Variants in PSMA1 observed in about 807,000 individuals in gnomAD.
PSMA1 encodes proteasome subunit alpha type-1.
A neutral mutation model predicts 38.4 loss-of-function variants in PSMA1; 3 were observed. The ratio of observed to expected loss-of-function variants is 0.08; its 90% CI spans 0.04 to 0.20. The LOEUF (loss-of-function observed/expected upper bound fraction) is 0.20. Ranked by LOEUF, PSMA1 falls within the 10% of genes least tolerant of loss-of-function variation. The probability of loss-of-function intolerance (pLI) is 1.00; values close to 1 mark genes in which losing one functional copy is unlikely to be tolerated. For synonymous variants in PSMA1, 101 were observed against 107.1 expected, an observed-to-expected ratio of 0.94 and a Z score of 0.35; for missense variants, 227 against 325.3, an observed-to-expected ratio of 0.70 and a Z score of 2.32.
At chr11:14,596,990 C>T (rs1019249083) in intron 2 of PSMA1, among the ~76,000 whole-genome samples, 1 of 152,204 alleles carries the variant, frequency 6.6e-6, no homozygotes, top group Admixed American at 6.5e-5. Context: ...TTTTCTGCAT[C>T]TATTGAGATA....
intron 2 of PSMA1, among the ~76,000 whole-genome samples, chr11:14,608,664 CT>C (rs1852672831): frequency 6.8e-6 from 1 of 146,620 alleles, no homozygotes; most frequent in Admixed American, 6.8e-5. Flanking sequence ...AAGATCCTGT[CT>C]GTATTTTATA....
intron 2 of PSMA1, among the ~76,000 whole-genome samples, chr11:14,548,964 C>T (rs1851856806): frequency 6.6e-6 from 1 of 152,064 alleles, no homozygotes; most frequent in Non-Finnish European, 1.5e-5. Context: ...GTAGACAACA[C>T]CTTATGACAG....
intron 1 of PSMA1, 25 bp from the exon 2 acceptor site, chr11:14,519,066 T>A: frequency 6.6e-7 from 1 of 1,508,884 alleles, no homozygotes; most frequent in Non-Finnish European, 9.1e-7. Context: ...AAAAAATACC[T>A]GTTAATAGAA....
At chr11:14,627,804 C>CAA (rs1852933502) in intron 1 of PSMA1, among the ~76,000 whole-genome samples, 1 of 152,060 alleles carries the variant, frequency 6.6e-6, no homozygotes, top group African/African-American at 2.4e-5. Context: ...ATTTTTATGC[C>CAA]TTTTTTCTTC....
chr11:14,632,930 G>A (rs1304728055), intron 1 of PSMA1, among the ~76,000 whole-genome samples: 9 of 148,940 alleles, frequency 6.0e-5, no homozygotes, highest in Admixed American at 1.3e-4. Flanking sequence ...TGATCGCATC[G>A]GCTCCTGAGG....
At chr11:14,643,264 T>A (rs1356497719) in intron 1 of PSMA1, among the ~76,000 whole-genome samples, 1 of 151,942 alleles carries the variant, frequency 6.6e-6, no homozygotes, top group Admixed American at 6.5e-5. Flanking sequence ...GCCTTGGTGG[T>A]GGCTGGCCCT....
chr11:14,551,973 T>C (rs987101650), intron 2 of PSMA1, among the ~76,000 whole-genome samples: 3 of 152,242 alleles, frequency 2.0e-5, no homozygotes, highest in African/African-American at 7.2e-5. Flanking sequence ...TTTCTTATAA[T>C]AAGAATGTTG....
At chr11:14,547,230 G>A (rs1270362384) in intron 2 of PSMA1, among the ~76,000 whole-genome samples, 2 of 152,190 alleles carry the variant, frequency 1.3e-5, no homozygotes, top group Admixed American at 6.5e-5. Context: ...CATGTAATAT[G>A]GTGCAGCTTG....
intron 1 of PSMA1, among the ~76,000 whole-genome samples, chr11:14,633,860 G>T (rs558342535): frequency 6.6e-6 from 1 of 152,112 alleles, no homozygotes; most frequent in Admixed American, 6.5e-5. Flanking sequence ...TTTTAAGTCC[G>T]TCGGAAAAGC....
At chr11:14,509,172 A>G (rs1851299264) in intron 8 of PSMA1, among the ~76,000 whole-genome samples, 2 of 152,146 alleles carry the variant, frequency 1.3e-5, no homozygotes, top group African/African-American at 4.8e-5. Context: ...CATGTCCGCA[A>G]CTGACTGCCT....
intron 8 of PSMA1, among the ~76,000 whole-genome samples, chr11:14,509,231 T>C (rs1252475374): frequency 1.3e-5 from 2 of 152,152 alleles, no homozygotes; most frequent in African/African-American, 4.8e-5. Flanking sequence ...CCCACTATCT[T>C]CTTCACCTCA....
intron 7 of PSMA1, among the ~76,000 whole-genome samples, chr11:14,511,254 T>C (rs1218177064): frequency 6.6e-6 from 1 of 152,242 alleles, no homozygotes; most frequent in Non-Finnish European, 1.5e-5. Context: ...GAATGTGTTC[T>C]GTAGAATCCT....
At chr11:14,614,483 T>C (rs1428766939) in intron 1 of PSMA1, among the ~76,000 whole-genome samples, 1 of 152,186 alleles carries the variant, frequency 6.6e-6, no homozygotes, top group Non-Finnish European at 1.5e-5. Flanking sequence ...GGCCTTCTAC[T>C]GTTCATTGCC....
At chr11:14,620,492 T>G (rs1465149631) in intron 1 of PSMA1, among the ~76,000 whole-genome samples, 1 of 152,226 alleles carries the variant, frequency 6.6e-6, no homozygotes, top group Non-Finnish European at 1.5e-5. Flanking sequence ...GAATTATCCC[T>G]GGTTTAGCCT....
At position 14,513,882 on chromosome 11, in the gene PSMA1, G is replaced by C; in HGVS notation, c.349C>G (p.Gln117Glu). The C allele has an allele frequency of 6.3e-7, 1 of 1,597,910 alleles. No individual in the cohort carries two copies. Among genetic ancestry groups the C allele is most frequent in the Non-Finnish European group, 8.5e-7 (1 of 1,175,324 alleles). The change falls in exon 6 of 10, where the codon CAG becomes GAG. Residue 117 changes from glutamine (Q) to glutamate (E), a missense_variant. By Grantham distance (29) the Gln-to-Glu change is conservative. Transcript: ENST00000396394. Reference sequence around the variant, plus strand: ...CGGCCATATCGTTGTGTTGGTATCTGGGTCTCTTAGACTGGTTAACGAGCT... The same window carrying C: ...CGGCCATATCGTTGTGTTGGTATCTCGGTCTCTTAGACTGGTTAACGAGCT... ...RLVSLIGSKT[Q>E]IPTQRYGRRP...
intron 8 of PSMA1, among the ~76,000 whole-genome samples, chr11:14,510,125 T>C (rs1851319329): frequency 6.6e-6 from 1 of 152,178 alleles, no homozygotes; most frequent in Non-Finnish European, 1.5e-5. Context: ...CAGAGTAAAA[T>C]GCAGAGTAAC....
chr11:14,552,658 C>T (rs1851898897), intron 2 of PSMA1, among the ~76,000 whole-genome samples: 2 of 152,080 alleles, frequency 1.3e-5, no homozygotes, highest in South Asian at 4.1e-4. Context: ...CCCTGGGCCC[C>T]TTTGCCTTCA....
At chr11:14,510,002 C>T (rs984082854) in intron 8 of PSMA1, among the ~76,000 whole-genome samples, 6 of 152,172 alleles carry the variant, frequency 3.9e-5, no homozygotes, top group Admixed American at 6.5e-5. Flanking sequence ...GGATTACAGG[C>T]GTGAGCCACC....
At chr11:14,548,570 A>T (rs1409496375) in intron 2 of PSMA1, among the ~76,000 whole-genome samples, 1 of 152,216 alleles carries the variant, frequency 6.6e-6, no homozygotes, top group African/African-American at 2.4e-5. Context: ...GGGACATCAT[A>T]TTGGCAGCTT....
Sources: gnomAD v4.1 joint callset for allele counts (sites outside exome capture counted in the v4.1 genomes callset) on GRCh38, gnomAD v4.1.1 for gene constraint, MANE v1.5 for transcripts, NCBI Gene and HGNC (gene_info 2026-07-23, HGNC 2026-07-21) for gene names.